Variants in ATRNL1 observed in about 807,000 individuals in gnomAD.
ATRNL1 encodes attractin like 1.
A neutral mutation model predicts 182.7 loss-of-function variants in ATRNL1; 95 were observed. That is an observed-to-expected ratio of 0.52 (90% CI 0.44 to 0.62). The LOEUF (loss-of-function observed/expected upper bound fraction) is 0.62, where lower values mean the gene tolerates loss of function less well. Among genes scored for constraint, ATRNL1 ranks in the 20% least tolerant of loss-of-function variants. The pLI is 0.00. For synonymous variants in ATRNL1, 576 were observed against 568.3 expected (o/e 1.01, Z -0.19); for missense variants, 1,471 against 1,679.5 (o/e 0.88, Z 2.17).
chr10:115,612,288 G>A (rs1857204267), intron 26 of ATRNL1, among the ~76,000 whole-genome samples: 1 of 151,822 alleles, frequency 6.6e-6, no homozygotes, highest in Non-Finnish European at 1.5e-5. Flanking sequence ...AGGAAGTTTG[G>A]CCTTTGTTAA....
At chr10:115,357,642 A>T (rs1028370707) in intron 19 of ATRNL1, among the ~76,000 whole-genome samples, 1 of 151,726 alleles carries the variant, frequency 6.6e-6, no homozygotes, top group Non-Finnish European at 1.5e-5. Context: ...TTAGTTACAC[A>T]TACTTTTATC....
intron 28 of ATRNL1, among the ~76,000 whole-genome samples, chr10:115,942,180 A>T (rs560059043): frequency 6.6e-6 from 1 of 152,356 alleles, no homozygotes; most frequent in Admixed American, 6.5e-5. Flanking sequence ...TAATGCACTT[A>T]CATAATTCCA....
At chr10:115,483,369 A>C (rs1554974566) in intron 24 of ATRNL1, among the ~76,000 whole-genome samples, 1 of 151,490 alleles carries the variant, frequency 6.6e-6, no homozygotes, top group Non-Finnish European at 1.5e-5. Context: ...CAAATTTAGG[A>C]AATTATAATG....
intron 27 of ATRNL1, among the ~76,000 whole-genome samples, chr10:115,818,166 C>T (rs1022164783): frequency 7.6e-5 from 11 of 145,622 alleles, no homozygotes; most frequent in African/African-American, 2.6e-4. Context: ...AAGCTAAAGT[C>T]CAGGGTTTAT....
intron 28 of ATRNL1, among the ~76,000 whole-genome samples, chr10:115,856,439 A>AAAAAAAAAAC (rs1951187313): frequency 6.9e-6 from 1 of 144,888 alleles, no homozygotes; most frequent in African/African-American, 2.5e-5. Context: ...AAAAAAAAAA[A>AAAAAAAAAAC]AAAAAAAAAA....
At chr10:115,539,667 C>T (rs181804823) in intron 25 of ATRNL1, among the ~76,000 whole-genome samples, 2 of 151,970 alleles carry the variant, frequency 1.3e-5, no homozygotes, top group Non-Finnish European at 2.9e-5. Flanking sequence ...TTCTCTTTTT[C>T]CTGAATTCAC....
intron 16 of ATRNL1, 22 bp downstream of exon 16, chr10:115,300,269 C>G (rs1355419894): frequency 3.1e-5 from 49 of 1,583,978 alleles, no homozygotes; most frequent in Non-Finnish European, 3.7e-5. Context: ...AGTAAATTAG[C>G]ATTCCTTTAA....
At chr10:115,611,098 C>A (rs1857133534) in intron 26 of ATRNL1, among the ~76,000 whole-genome samples, 3 of 147,070 alleles carry the variant, frequency 2.0e-5, no homozygotes, top group Non-Finnish European at 3.0e-5. Flanking sequence ...AGTGAAAAAA[C>A]AGCTTAAAAT....
rs1424122017 is a variant in ATRNL1, at chr10:115,350,334, C to CAAAAAAAAAAA, written c.3175+15916_3175+15926dup. 2.9e-3 allele frequency among the ~76,000 whole-genome samples: 87 copies of CAAAAAAAAAAA among 29,724 alleles called. 12 individuals carry two copies. Among genetic ancestry groups the CAAAAAAAAAAA allele is most frequent in the Non-Finnish European group, 3.8e-3 (73 of 19,344 alleles). The allele number at this position is 29,724 out of a possible 152,430, so 19.5% of individuals were successfully genotyped here. ...CTGGTGACAGAGCAAGACTCTGTCTCAAAAAAAAAAAGAAAAAAAAAAAAA... is the reference window on the plus strand; with the variant it reads ...CTGGTGACAGAGCAAGACTCTGTCTCAAAAAAAAAAAAAAAAAAAAAAGAAAAAAAAAAAAA... On this transcript the variant is annotated intron_variant, in intron 19 of 28. Transcript: ENST00000355044.
At chr10:115,877,188 A>T (rs1951719763) in intron 28 of ATRNL1, among the ~76,000 whole-genome samples, 1 of 152,234 alleles carries the variant, frequency 6.6e-6, no homozygotes, top group Non-Finnish European at 1.5e-5. Context: ...CTAGGATGCT[A>T]CTTGCATTGT....
chr10:115,221,781 C>T (rs552118397), intron 9 of ATRNL1, among the ~76,000 whole-genome samples: 90 of 152,224 alleles, frequency 5.9e-4, no homozygotes, highest in Non-Finnish European at 1.1e-3. Flanking sequence ...AAACCCTACT[C>T]GTGATAATTA....
chr10:115,575,471 C>T (rs1370242712), intron 26 of ATRNL1, among the ~76,000 whole-genome samples: 1 of 152,078 alleles, frequency 6.6e-6, no homozygotes, highest in Non-Finnish European at 1.5e-5. Flanking sequence ...TTGTTGACAT[C>T]TGGAGTGTTT....
intron 8 of ATRNL1, among the ~76,000 whole-genome samples, chr10:115,196,333 C>A (rs1211225686): frequency 6.6e-6 from 1 of 152,136 alleles, no homozygotes; most frequent in Non-Finnish European, 1.5e-5. Context: ...GTATCACACT[C>A]TATTGATTAC....
At chr10:115,438,278 T>G (rs373088594) in intron 21 of ATRNL1, among the ~76,000 whole-genome samples, 60 of 152,108 alleles carry the variant, frequency 3.9e-4, no homozygotes, top group African/African-American at 1.1e-3. Context: ...ATAAAGATAT[T>G]TCCAGTATAC....
Position 115,818,950 on chromosome 10 carries a change from C to T in ATRNL1, c.3904-28927C>T, listed in dbSNP as rs1199425406. 7.9e-5 allele frequency among the ~76,000 whole-genome samples: 12 copies of T among 152,214 alleles called. No homozygotes were observed. In the East Asian group the frequency reaches 1.2e-3, roughly 15 times the overall value. On this transcript the variant is annotated intron_variant, in intron 27 of 28. Coordinates refer to ENST00000355044, the MANE Select transcript of ATRNL1 (RefSeq NM_207303.4). ...TTCCAAGAAAACCTGCAATTACAGCCCACAAAACTCTCTTCCCTTTCATGT... is the reference window on the plus strand; with the variant it reads ...TTCCAAGAAAACCTGCAATTACAGCTCACAAAACTCTCTTCCCTTTCATGT...
chr10:115,742,852 A>G (rs1025959236), intron 27 of ATRNL1, among the ~76,000 whole-genome samples: 2 of 152,126 alleles, frequency 1.3e-5, no homozygotes, highest in African/African-American at 2.4e-5. Flanking sequence ...CTATTAGTCC[A>G]TTCTCACACT....
At chr10:115,274,303 G>C (rs1414753082) in intron 13 of ATRNL1, among the ~76,000 whole-genome samples, 1 of 151,996 alleles carries the variant, frequency 6.6e-6, no homozygotes, top group Non-Finnish European at 1.5e-5. Context: ...TTGGTAAATG[G>C]GTCAAAGTAA....
intron 25 of ATRNL1, among the ~76,000 whole-genome samples, chr10:115,538,474 T>TA (rs34498532): frequency 0.54 from 81,519 of 152,046 alleles, 23,694 homozygotes; most frequent in African/African-American, 0.74. Flanking sequence ...TTCATGTGCT[T>TA]ATTAGTTATA....
At chr10:115,357,371 C>A (rs2134144302) in intron 19 of ATRNL1, among the ~76,000 whole-genome samples, 1 of 151,728 alleles carries the variant, frequency 6.6e-6, no homozygotes, top group South Asian at 2.1e-4. Context: ...AAAGGCAAAA[C>A]CAAACTAAAT....
Sources: allele counts gnomAD v4.1 joint callset (sites outside exome capture counted in the v4.1 genomes callset), GRCh38; gene constraint gnomAD v4.1.1; transcripts MANE v1.5; gene names NCBI Gene and HGNC (gene_info 2026-07-23, HGNC 2026-07-21).